Variants in LTBP1 observed in about 807,000 individuals in gnomAD.
LTBP1 encodes the protein latent-transforming growth factor beta-binding protein 1.
In LTBP1, 129 loss-of-function variants were observed where a neutral mutation model predicts 207.6. That is an observed-to-expected ratio of 0.62 (90% confidence interval 0.54 to 0.72). The LOEUF is 0.72. LTBP1 is among the 30% of genes least tolerant of loss of function. The probability of loss-of-function intolerance (pLI) is 0.00; values close to 1 mark genes in which losing one functional copy is unlikely to be tolerated. For missense variants in LTBP1, 2,281 were observed against 2,217.2 expected, an observed-to-expected ratio of 1.03 and a Z score of -0.58; for synonymous variants, 963 against 833.7, an observed-to-expected ratio of 1.16 and a Z score of -2.67.
At chr2:33,032,257 C>G (rs570271605) in intron 3 of LTBP1, among the ~76,000 whole-genome samples, 5 of 152,192 alleles carry the variant, frequency 3.3e-5, no homozygotes, top group Non-Finnish European at 7.3e-5. Flanking sequence ...AACCCATAAT[C>G]AAAACCAGAT....
chr2:33,149,228 C>CAA (rs58303103), intron 5 of LTBP1, among the ~76,000 whole-genome samples: 5,836 of 82,192 alleles, frequency 0.071, 500 homozygotes, highest in Non-Finnish European at 0.1. Flanking sequence ...CACAAAAAAA[C>CAA]AAAAAAAAAA....
At chr2:33,070,312 A>G (rs1200385123) in intron 3 of LTBP1, among the ~76,000 whole-genome samples, 2 of 152,222 alleles carry the variant, frequency 1.3e-5, no homozygotes, top group Non-Finnish European at 2.9e-5. Flanking sequence ...GCTTAGGGCC[A>G]TGGCAAGGTG....
intron 3 of LTBP1, among the ~76,000 whole-genome samples, chr2:33,085,661 A>G (rs558605342): frequency 1.3e-5 from 2 of 152,246 alleles, no homozygotes; most frequent in East Asian, 3.9e-4. Context: ...TGCAACACTG[A>G]GATTTAGAGT....
intron 15 of LTBP1, among the ~76,000 whole-genome samples, chr2:33,269,077 A>G (rs142067525): frequency 1.3e-5 from 2 of 151,912 alleles, no homozygotes; most frequent in African/African-American, 4.8e-5. Context: ...ATGTGAAATC[A>G]TCATGCTTTA....
intron 2 of LTBP1, among the ~76,000 whole-genome samples, chr2:32,958,816 G>A (rs1474304245): frequency 6.6e-6 from 1 of 152,092 alleles, no homozygotes; most frequent in Non-Finnish European, 1.5e-5. Context: ...GCTTTTTCAA[G>A]GGCACAACAC....
intron 7 of LTBP1, among the ~76,000 whole-genome samples, chr2:33,216,053 C>G (rs753382412): frequency 3.3e-5 from 5 of 152,176 alleles, no homozygotes; most frequent in Non-Finnish European, 7.3e-5. Flanking sequence ...GCCTGGATGG[C>G]CTACAACTAG....
intron 24 of LTBP1, among the ~76,000 whole-genome samples, chr2:33,338,920 C>A (rs781505325): frequency 6.6e-6 from 1 of 152,074 alleles, no homozygotes; most frequent in African/African-American, 2.4e-5. Context: ...GCTCCATGCC[C>A]TACTAAGGAG....
At chr2:33,113,646 C>G (rs1476023121) in intron 4 of LTBP1, among the ~76,000 whole-genome samples, 6 of 152,224 alleles carry the variant, frequency 3.9e-5, no homozygotes, top group Non-Finnish European at 8.8e-5. Flanking sequence ...TTCTTAGTCA[C>G]TTTCTAGGTA....
At chr2:33,043,835 A>G (rs1457021766) in intron 3 of LTBP1, among the ~76,000 whole-genome samples, 4 of 152,200 alleles carry the variant, frequency 2.6e-5, no homozygotes, top group Non-Finnish European at 5.9e-5. Context: ...GGAAGAGACT[A>G]AAATGAGAGA....
intron 8 of LTBP1, among the ~76,000 whole-genome samples, chr2:33,221,490 G>A (rs760635672): frequency 3.9e-5 from 6 of 152,178 alleles, no homozygotes; most frequent in Admixed American, 6.5e-5. Context: ...TGTATTGTTT[G>A]CATATTCTGA....
chr2:33,342,731 A>G, intron 24 of LTBP1, 107 bp from the exon 25 acceptor site: 1 of 1,033,908 alleles, frequency 9.7e-7, no homozygotes, highest in South Asian at 2.0e-5. Context: ...TCATCTCATC[A>G]TCACACACTA....
intron 26 of LTBP1, among the ~76,000 whole-genome samples, chr2:33,357,669 GAA>G (rs2094880501): frequency 6.6e-6 from 1 of 152,106 alleles, no homozygotes; most frequent in Non-Finnish European, 1.5e-5. Context: ...CACACCTCTA[GAA>G]TAAAATATGA....
At chr2:33,308,580 T>C (rs1558986666) in intron 22 of LTBP1, among the ~76,000 whole-genome samples, 1 of 152,220 alleles carries the variant, frequency 6.6e-6, no homozygotes, top group Non-Finnish European at 1.5e-5. Context: ...ATTCTTTGTC[T>C]AAATGCATAT....
intron 3 of LTBP1, among the ~76,000 whole-genome samples, chr2:33,078,862 C>CTTTTTTTTTTTTTTTTTTTTTT (rs34843933): frequency 9.4e-6 from 1 of 106,888 alleles, no homozygotes; most frequent in African/African-American, 3.2e-5. Context: ...CTTTTCTTTT[C>CTTTTTTTTTTTTTTTTTTTTTT]TTTTTTTTTT....
At chr2:33,130,242 C>T (rs187777842) in intron 4 of LTBP1, among the ~76,000 whole-genome samples, 4 of 152,276 alleles carry the variant, frequency 2.6e-5, no homozygotes, top group African/African-American at 9.6e-5. Context: ...ATTGAATCAG[C>T]CTGTAGGTCT....
At chr2:33,153,361 A>G (rs754509303) in intron 5 of LTBP1, among the ~76,000 whole-genome samples, 119 of 152,246 alleles carry the variant, frequency 7.8e-4, no homozygotes, top group Non-Finnish European at 1.5e-3. Flanking sequence ...GGCTAGAAAC[A>G]GAATGACTCC....
chr2:32,976,199 C>T (rs1401971765), intron 2 of LTBP1, among the ~76,000 whole-genome samples: 4 of 152,176 alleles, frequency 2.6e-5, no homozygotes, highest in Admixed American at 2.0e-4. Flanking sequence ...TATGGGGCCC[C>T]CAGCTTTGTT....
At chr2:33,259,083 G>A (rs553499591) in intron 12 of LTBP1, among the ~76,000 whole-genome samples, 39 of 152,058 alleles carry the variant, frequency 2.6e-4, no homozygotes, top group African/African-American at 7.5e-4. Flanking sequence ...AAATATTCAC[G>A]GGGCTTCATT....
At chr2:33,268,092 A>G (rs1274239531) in intron 15 of LTBP1, among the ~76,000 whole-genome samples, 1 of 152,244 alleles carries the variant, frequency 6.6e-6, no homozygotes, top group Non-Finnish European at 1.5e-5. Flanking sequence ...TAGGGGGAAC[A>G]GTATAGATAG....
Sources: allele counts gnomAD v4.1 joint callset (sites outside exome capture counted in the v4.1 genomes callset), GRCh38; gene constraint gnomAD v4.1.1; transcripts MANE v1.5; gene names NCBI Gene and HGNC (gene_info 2026-07-23, HGNC 2026-07-21).